TMEM119: variants seen among roughly 807,000 people sequenced by gnomAD.
TMEM119 encodes the protein transmembrane protein 119.
For synonymous variants in TMEM119, 182 were observed against 176.4 expected (o/e 1.03, Z -0.25); for missense variants, 410 against 381.0 (o/e 1.08, Z -0.63).
In TMEM119 at chr12:108,592,437, C is replaced by A; in HGVS notation, c.-14-40G>T. 1 of 1,503,710 alleles carries A rather than the reference C, an allele frequency of 6.7e-7. No individual in the cohort carries two copies. Among genetic ancestry groups the A allele is most frequent in the South Asian group, 1.3e-5 (1 of 78,254 alleles). 93.1% of individuals were successfully genotyped at this position (1,503,710 alleles called of 1,614,324 possible). ...GGAGGAGAGAAGTCATGGCGGAACT[C>A]TAGAGTGTCAGGATTCAGAAACAGG... On this transcript the variant is annotated intron_variant, in intron 1 of 1. Coordinates refer to ENST00000392806, the MANE Select transcript of TMEM119 (RefSeq NM_181724.3). This position sits in a 1 kb window ranked among gnomAD's most constrained non-coding sequence, Gnocchi z 4.3.
chr12:108,591,969 C>T lies in TMEM119; in HGVS notation c.415G>A (p.Asp139Asn), dbSNP rs1458360567. Residue 139 changes from aspartate (D) to asparagine (N), a missense_variant, in exon 2 of 2, where the codon GAC becomes AAC. Asp to Asn is a conservative substitution (Grantham distance 23, BLOSUM62 1). Transcript: ENST00000392806. This position sits in a 1 kb window ranked among gnomAD's most constrained non-coding sequence, Gnocchi z 4.2. ...GGGCCCCCGGCCCGGTCACTCTGGT[C>T]CACGTACTTCTTCTTGGGGAAGGAC... ...PSSFPKKKYV[D>N]QSDRAGGPRA... 4 of 1,613,224 alleles carry T rather than the reference C, an allele frequency of 2.5e-6. No individual in the cohort carries two copies. The highest frequency in any genetic ancestry group is 1.3e-5 in the African/African-American group (1 of 75,020).
At chr12:108,595,604 T>G (rs936656784) in intron 1 of TMEM119, among the ~76,000 whole-genome samples, 8 of 150,470 alleles carry the variant, frequency 5.3e-5, no homozygotes, top group African/African-American at 1.7e-4. Context: ...CATACACACA[T>G]GCACACACCA....
At chr12:108,595,719 G>A (rs890890122) in intron 1 of TMEM119, among the ~76,000 whole-genome samples, 2 of 151,998 alleles carry the variant, frequency 1.3e-5, no homozygotes, top group African/African-American at 2.4e-5. Flanking sequence ...TCTGAGCCAG[G>A]AATGGCTTGT....
In TMEM119 at chr12:108,592,230, G is replaced by C. The variant is rs12823343; in HGVS notation, c.154C>G (p.Pro52Ala). 5.0e-6 allele frequency: 8 copies of C among 1,611,434 alleles called. No individual in the cohort carries two copies. Among genetic ancestry groups the C allele is most frequent in the Non-Finnish European group, 5.9e-6 (7 of 1,179,300 alleles). Residue 52 changes from proline (P) to alanine (A), a missense_variant, in exon 2 of 2, where the codon CCG becomes GCG. Pro to Ala is a conservative substitution (Grantham distance 27). Coordinates refer to ENST00000392806, the MANE Select transcript of TMEM119 (RefSeq NM_181724.3). The surrounding 1 kb of genome is among the most constrained non-coding windows in gnomAD (Gnocchi z 4.3). ...GGGGTCCAGGGTGGCGGGAGGCTCG[G>C]GGAGGAGGCCGACGAGCCCTCGGCC... ...GEAEGSSASS[P>A]SLPPPWTPAL...
At chr12:108,596,861 C>A (rs189938694) in intron 1 of TMEM119, among the ~76,000 whole-genome samples, 2 of 152,346 alleles carry the variant, frequency 1.3e-5, no homozygotes, top group Admixed American at 1.3e-4. Context: ...AACAGCCTGC[C>A]CAGGTCACAC....
intron 1 of TMEM119, among the ~76,000 whole-genome samples, chr12:108,597,276 A>T (rs1199407011): frequency 6.6e-6 from 1 of 152,004 alleles, no homozygotes; most frequent in Non-Finnish European, 1.5e-5. Flanking sequence ...CCACCCAGAG[A>T]CTGGTGGCCT....
rs10861953 is a variant in TMEM119, at chr12:108,592,336, G to A, written c.48C>T (p.Leu16=). The change falls in exon 2 of 2, where the codon CTC becomes CTT. Residue 16 remains leucine, a synonymous_variant. Transcript: ENST00000392806. The surrounding 1 kb of genome is among the most constrained non-coding windows in gnomAD (Gnocchi z 4.3). The stretch of plus-strand genomic sequence containing the variant: ...CGTCGGTAGCAGGCACAGACCCCAG[G>A]AGCAGCAACAGAAGGATGAGGAGGC... ...APSLLILLLL[L]LGSVPATDAR... is the part of the protein sequence containing the mutation. 4 of 1,586,696 alleles carry A rather than the reference G, an allele frequency of 2.5e-6. No individual in the cohort carries two copies. The highest frequency in any genetic ancestry group is 2.3e-5 in the East Asian group (1 of 43,742).
In TMEM119 at chr12:108,591,363, C is replaced by A; in HGVS notation, c.*169G>T. On this transcript the variant is annotated 3_prime_UTR_variant, in exon 2 of 2. Transcript: ENST00000392806. This position sits in a 1 kb window ranked among gnomAD's most constrained non-coding sequence, Gnocchi z 4.2. ...ACTTGGTAAGATTCCTCCGGGGCAC[C>A]GGGGACCAGCATTTCTGCCTGCTGT... The A allele has an allele frequency of 1.3e-6, 1 of 784,676 alleles. No homozygotes were observed. The highest frequency in any genetic ancestry group is 2.8e-5 in the East Asian group (1 of 36,010). 48.6% of individuals were successfully genotyped at this position (784,676 alleles called of 1,614,324 possible). A position where few individuals can be genotyped will look rare whatever the true frequency, so the allele number is the denominator to read the frequency against.
In TMEM119 at chr12:108,592,684, C is replaced by CT. The variant is rs2031435231; in HGVS notation, c.-14-288dup. On this transcript the variant is annotated intron_variant, in intron 1 of 1. Coordinates refer to ENST00000392806, the MANE Select transcript of TMEM119 (RefSeq NM_181724.3). This position sits in a 1 kb window ranked among gnomAD's most constrained non-coding sequence, Gnocchi z 4.3. The stretch of plus-strand genomic sequence containing the variant: ...TAAGTGCTCAATAAATGTACCCTGA[C>CT]TGACGTGGCTGAATTAATAATGATA... 6.6e-6 allele frequency among the ~76,000 whole-genome samples: 1 copy of CT among 152,140 alleles called. No individual in the cohort carries two copies. Among genetic ancestry groups the CT allele is most frequent in the South Asian group, 2.1e-4 (1 of 4,820 alleles).
chr12:108,597,345 G>T (rs1347138614), intron 1 of TMEM119, among the ~76,000 whole-genome samples: 10 of 152,188 alleles, frequency 6.6e-5, no homozygotes, highest in Admixed American at 6.5e-4. Flanking sequence ...TGGGGGAGGG[G>T]TGTTCTGGTT....
At chr12:108,596,482 A>T (rs2031506664) in intron 1 of TMEM119, among the ~76,000 whole-genome samples, 1 of 152,132 alleles carries the variant, frequency 6.6e-6, no homozygotes, top group Admixed American at 6.5e-5. Context: ...AGAAAGGAGA[A>T]CACACAAACT....
chr12:108,595,512 A>T (rs949640011), intron 1 of TMEM119, among the ~76,000 whole-genome samples: 3 of 150,010 alleles, frequency 2.0e-5, no homozygotes, highest in Non-Finnish European at 4.4e-5. Context: ...CGCCACACAT[A>T]CCCATATACA....
chr12:108,595,530 C>A (rs974342804), intron 1 of TMEM119, among the ~76,000 whole-genome samples: 5 of 151,544 alleles, frequency 3.3e-5, no homozygotes, highest in Non-Finnish European at 7.4e-5. Flanking sequence ...ACACCCCACA[C>A]ACAACCACGT....
Position 108,591,405 on chromosome 12 carries a change from G to T in TMEM119, c.*127C>A. 2 of 1,116,634 alleles carry T rather than the reference G, an allele frequency of 1.8e-6. No individual in the cohort carries two copies. The highest frequency in any genetic ancestry group is 2.5e-6 in the Non-Finnish European group (2 of 792,142). The allele number at this position is 1,116,634 out of a possible 1,614,324, so 69.2% of individuals were successfully genotyped here. On this transcript the variant is annotated 3_prime_UTR_variant, in exon 2 of 2. Coordinates refer to ENST00000392806, the MANE Select transcript of TMEM119 (RefSeq NM_181724.3). The surrounding 1 kb of genome is among the most constrained non-coding windows in gnomAD (Gnocchi z 4.2). ...GCCTGCTGTAGAATCAGCACATGCT[G>T]GGATTGGCACCACAGGGAGGCCAAG...
chr12:108,593,300 C>A (rs557249265), intron 1 of TMEM119, among the ~76,000 whole-genome samples: 30 of 152,184 alleles, frequency 2.0e-4, no homozygotes, highest in African/African-American at 7.0e-4. Context: ...AAAAATCAGG[C>A]AGGCATGGTG....
rs749693993 is a variant in TMEM119, at chr12:108,591,754, C to T, written c.630G>A (p.Lys210=). 2.1e-5 allele frequency: 34 copies of T among 1,601,310 alleles called. No homozygotes were observed. Among genetic ancestry groups the T allele is most frequent in the Admixed American group, 1.4e-4 (8 of 58,804 alleles). ...VEGRGAEEEE[K]GSQEGDQEVQ... ...CTTCCTGGTCCCCCTCCTGGCTGCC[C>T]TTCTCCTCTTCCTCTGCGCCCCTGC... Residue 210 remains lysine (K), a synonymous_variant, in exon 2 of 2, where the codon AAG becomes AAA. Transcript: ENST00000392806. The surrounding 1 kb of genome is among the most constrained non-coding windows in gnomAD (Gnocchi z 4.2).
Position 108,592,149 on chromosome 12 carries a change from G to C in TMEM119, c.235C>G (p.Pro79Ala). ...ATCCCATCCAGGAAGTTGGTGGGGG[G>C]TGATGGGCCCCCCAGGGTTATGGGC... is the stretch of plus-strand genomic sequence containing the variant. ...PQPITLGGPS[P>A]PTNFLDGIVD... is the part of the protein sequence containing the mutation. The change falls in exon 2 of 2, where the codon CCC (proline) becomes GCC (alanine). Residue 79 changes from proline to alanine, a missense_variant. Pro to Ala is a conservative substitution (Grantham distance 27). Transcript: ENST00000392806. The surrounding 1 kb of genome is among the most constrained non-coding windows in gnomAD (Gnocchi z 4.3). 5.0e-6 allele frequency: 8 copies of C among 1,614,104 alleles called. No individual in the cohort carries two copies. Among genetic ancestry groups the C allele is most frequent in the Non-Finnish European group, 6.8e-6 (8 of 1,179,980 alleles).
Position 108,592,036 on chromosome 12 carries a change from G to A in TMEM119, c.348C>T (p.Val116=). The A allele has an allele frequency of 6.2e-7, 1 of 1,614,140 alleles. No individual in the cohort carries two copies. Among genetic ancestry groups the A allele is most frequent in the Non-Finnish European group, 8.5e-7 (1 of 1,180,004 alleles). ...AGGCCTTCTGCTTCTGCCGGGTGAT[G>A]ACCGCGGCACAGACGATGAACATCA... The part of the protein sequence containing the change: ...FLLMFIVCAA[V]ITRQKQKASA... Residue 116 remains valine (V), a synonymous_variant, in exon 2 of 2, where the codon GTC becomes GTT. Coordinates refer to ENST00000392806, the MANE Select transcript of TMEM119 (RefSeq NM_181724.3). The surrounding 1 kb of genome is among the most constrained non-coding windows in gnomAD (Gnocchi z 4.3).
rs749087628 is a variant in TMEM119, at chr12:108,591,909, C to T, written c.475G>A (p.Asp159Asn). The T allele has an allele frequency of 9.3e-6, 15 of 1,612,930 alleles. No individual in the cohort carries two copies. The Middle Eastern group carries it at 6.6e-4, about 71-fold the overall frequency. The change falls in exon 2 of 2, where the codon GAC (aspartate) becomes AAC (asparagine). Residue 159 changes from aspartate to asparagine, a missense_variant. Coordinates refer to ENST00000392806, the MANE Select transcript of TMEM119 (RefSeq NM_181724.3). The surrounding 1 kb of genome is among the most constrained non-coding windows in gnomAD (Gnocchi z 4.2). ...TCCAGGGCTTCCTCGGGCCTGCTGT[C>T]GGGGGCTCTGTCGGGGACCTCACTG... is the stretch of plus-strand genomic sequence containing the variant. The part of the protein sequence containing the change: ...AFSEVPDRAP[D>N]SRPEEALDSS...
Sources: allele counts gnomAD v4.1 joint callset (sites outside exome capture counted in the v4.1 genomes callset), GRCh38; gene constraint gnomAD v4.1.1; non-coding constraint Gnocchi (gnomAD v3.1); transcripts MANE v1.5; gene names NCBI Gene and HGNC (gene_info 2026-07-23, HGNC 2026-07-21).